The following ESRRB variants were observed in gnomAD, a reference collection of about 807,000 sequenced individuals.
The protein encoded by ESRRB is steroid hormone receptor ERR2.
A neutral mutation model predicts 46.0 loss-of-function variants in ESRRB; 16 were observed. The ratio of observed to expected loss-of-function variants is 0.35; its 90% CI spans 0.24 to 0.53. ESRRB has a LOEUF of 0.53. Ranked by LOEUF, ESRRB falls within the 20% of genes least tolerant of loss-of-function variation. The pLI, the probability that ESRRB is intolerant of heterozygous loss-of-function variation, is 0.93. For synonymous variants in ESRRB, 246 were observed against 259.6 expected (o/e 0.95, Z 0.50); for missense variants, 488 against 607.4 (o/e 0.80, Z 2.07).
chr14:76,398,841 T>G (rs1885813131), intron 1 of ESRRB, among the ~76,000 whole-genome samples: 1 of 152,176 alleles, frequency 6.6e-6, no homozygotes, highest in Non-Finnish European at 1.5e-5. Context: ...CAGTGGAGTC[T>G]GACTCCAGCC....
At chr14:76,425,741 C>T (rs1887170175) in intron 1 of ESRRB, among the ~76,000 whole-genome samples, 1 of 152,132 alleles carries the variant, frequency 6.6e-6, no homozygotes, top group Non-Finnish European at 1.5e-5. Context: ...CAGGGTCTCA[C>T]TCTGTTGCCC....
chr14:76,414,802 G>C (rs949605679), intron 1 of ESRRB, among the ~76,000 whole-genome samples: 2 of 152,054 alleles, frequency 1.3e-5, no homozygotes, highest in African/African-American at 4.8e-5. Context: ...GCACCAGGTG[G>C]ACTGCCCGTG....
At chr14:76,470,245 A>G (rs1889327063) in intron 3 of ESRRB, among the ~76,000 whole-genome samples, 1 of 152,198 alleles carries the variant, frequency 6.6e-6, no homozygotes, top group South Asian at 2.1e-4. Flanking sequence ...CTACTGCTCC[A>G]GGCCACGCTA....
intron 1 of ESRRB, among the ~76,000 whole-genome samples, chr14:76,429,950 C>CCCTT (rs1056102609): frequency 1.3e-5 from 2 of 151,218 alleles, no homozygotes; most frequent in African/African-American, 2.4e-5. Flanking sequence ...GCCTACTTGC[C>CCCTT]CCTTCCTTCC....
intron 1 of ESRRB, among the ~76,000 whole-genome samples, chr14:76,325,117 A>G (rs1224454054): frequency 1.3e-5 from 2 of 151,646 alleles, no homozygotes; most frequent in Admixed American, 6.6e-5. Context: ...GCTGTGTGCC[A>G]CCACGCCTAG....
At chr14:76,363,954 G>C (rs1407262513) in intron 1 of ESRRB, among the ~76,000 whole-genome samples, 1 of 152,150 alleles carries the variant, frequency 6.6e-6, no homozygotes, top group Non-Finnish European at 1.5e-5. Context: ...TAAATAAAAG[G>C]AGTGATGACA....
At chr14:76,447,276 TC>T in intron 2 of ESRRB, among the ~76,000 whole-genome samples, 1 of 124,044 alleles carries the variant, frequency 8.1e-6, no homozygotes, top group African/African-American at 4.0e-5. Context: ...CTTCCTTCCT[TC>T]CTTCCTTCCT....
intron 1 of ESRRB, among the ~76,000 whole-genome samples, chr14:76,388,187 T>C (rs943468278): frequency 2.0e-5 from 3 of 148,416 alleles, no homozygotes; most frequent in Admixed American, 1.3e-4. Context: ...TTTTTTTTTT[T>C]TTTTTTTTTG....
At chr14:76,386,663 T>C (rs1271390202) in intron 1 of ESRRB, among the ~76,000 whole-genome samples, 2 of 152,002 alleles carry the variant, frequency 1.3e-5, no homozygotes, top group South Asian at 2.1e-4. Context: ...GGTTTCACCA[T>C]GTTGGCCAGG....
intron 1 of ESRRB, among the ~76,000 whole-genome samples, chr14:76,315,507 C>G (rs1279053121): frequency 1.3e-5 from 2 of 152,188 alleles, no homozygotes. Context: ...CGAAACCCCT[C>G]AGGGTCTCAC....
chr14:76,410,060 C>CGG (rs1287207795), intron 1 of ESRRB, among the ~76,000 whole-genome samples: 4 of 152,076 alleles, frequency 2.6e-5, no homozygotes, highest in African/African-American at 9.7e-5. Flanking sequence ...TCCGTCTCTA[C>CGG]TAAAAATACA....
chr14:76,396,442 G>T (rs1167619258), intron 1 of ESRRB, among the ~76,000 whole-genome samples: 2 of 152,104 alleles, frequency 1.3e-5, no homozygotes, highest in African/African-American at 2.4e-5. Flanking sequence ...TATTGGGAGA[G>T]ATTTTTACCT....
At chr14:76,346,722 C>A (rs1884255154) in intron 1 of ESRRB, among the ~76,000 whole-genome samples, 1 of 152,206 alleles carries the variant, frequency 6.6e-6, no homozygotes, top group Non-Finnish European at 1.5e-5. Flanking sequence ...GAGCATCTGC[C>A]CCAGCTGCTC....
intron 1 of ESRRB, among the ~76,000 whole-genome samples, chr14:76,427,532 A>G (rs1887256815): frequency 6.6e-6 from 1 of 152,192 alleles, no homozygotes; most frequent in Non-Finnish European, 1.5e-5. Flanking sequence ...CAGGCATGCA[A>G]ATACATAATG....
chr14:76,322,573 C>CATCTTTCTTGAGGTCA (rs1883880467), intron 1 of ESRRB, among the ~76,000 whole-genome samples: 19 of 152,206 alleles, frequency 1.2e-4, no homozygotes, highest in African/African-American at 4.1e-4. Context: ...CCCCACCATA[C>CATCTTTCTTGAGGTCA]TCTTTCCACA....
At chr14:76,489,256 C>A (rs1036862099) in intron 5 of ESRRB, among the ~76,000 whole-genome samples, 10 of 152,022 alleles carry the variant, frequency 6.6e-5, no homozygotes, top group Non-Finnish European at 1.2e-4. Context: ...GTCCAACACT[C>A]CCCCCAACAC....
chr14:76,322,186 C>G (rs1002299980), intron 1 of ESRRB, among the ~76,000 whole-genome samples: 2 of 152,210 alleles, frequency 1.3e-5, no homozygotes, highest in East Asian at 3.8e-4. Flanking sequence ...GATACTCTAG[C>G]TTTGATTCCC....
At chr14:76,486,608 G>C (rs916516521) in intron 5 of ESRRB, among the ~76,000 whole-genome samples, 23 of 152,060 alleles carry the variant, frequency 1.5e-4, no homozygotes, top group African/African-American at 5.6e-4. Flanking sequence ...CCAAATCACG[G>C]ATGGGGGGAT....
At chr14:76,425,288 C>CTTTTAT (rs955935428) in intron 1 of ESRRB, among the ~76,000 whole-genome samples, 27 of 152,244 alleles carry the variant, frequency 1.8e-4, no homozygotes, top group African/African-American at 4.8e-4. Flanking sequence ...ACAAAAAAAC[C>CTTTTAT]TTTTATTTTT....
Sources: allele counts gnomAD v4.1 joint callset (sites outside exome capture counted in the v4.1 genomes callset), GRCh38; gene constraint gnomAD v4.1.1; transcripts MANE v1.5; gene names NCBI Gene and HGNC (gene_info 2026-07-23, HGNC 2026-07-21).